Variants in NRG4 observed in about 807,000 individuals in gnomAD.
NRG4 encodes the protein neuregulin 4.
A neutral mutation model predicts 15.0 loss-of-function variants in NRG4; 10 were observed. That is an observed-to-expected ratio of 0.67 (90% CI 0.41 to 1.13). The LOEUF is 1.13. Among genes scored for constraint, NRG4 ranks in the 50% most tolerant of loss-of-function variants. The probability of loss-of-function intolerance (pLI) is 0.00; values close to 1 mark genes in which losing one functional copy is unlikely to be tolerated. For synonymous variants in NRG4, 41 were observed against 50.1 expected (o/e 0.82, Z 0.77); for missense variants, 139 against 140.2 (o/e 0.99, Z 0.04).
intron 5 of NRG4, among the ~76,000 whole-genome samples, chr15:76,026,162 G>A (rs2035310792): frequency 6.6e-6 from 1 of 152,134 alleles, no homozygotes; most frequent in Admixed American, 6.5e-5. Flanking sequence ...ACAAGTTTTG[G>A]GAGAGAGACA....
chr15:75,974,612 T>C (rs772999376), intron 3 of NRG4, among the ~76,000 whole-genome samples: 6 of 152,346 alleles, frequency 3.9e-5, no homozygotes, highest in Non-Finnish European at 7.4e-5. Flanking sequence ...AATTTTGTTA[T>C]CTACCCAGTA....
intron 3 of NRG4, among the ~76,000 whole-genome samples, chr15:75,963,565 G>T (rs186770975): frequency 3.9e-4 from 60 of 152,150 alleles, no homozygotes; most frequent in African/African-American, 1.3e-3. Flanking sequence ...AGATCACGAG[G>T]TCAAGATATT....
chr15:76,018,498 G>A (rs1469424543), intron 5 of NRG4, among the ~76,000 whole-genome samples: 3 of 152,064 alleles, frequency 2.0e-5, no homozygotes, highest in African/African-American at 4.8e-5. Flanking sequence ...TGTGACCTTC[G>A]GATGGGGTTT....
rs529264450 is a variant in NRG4 at position 76,030,346 on chromosome 15, G to A, written c.-57+5598C>T. Among the ~76,000 whole-genome samples the A allele has an allele frequency of 1.9e-3, 284 of 152,176 alleles. 6 individuals are homozygous for A. The highest frequency in any genetic ancestry group is 6.2e-3 in the African/African-American group (259 of 41,520). Reference sequence around the variant, plus strand: ...CAACTTCAAAATATACTACAAAACTGTAGTAACCAAAACAGCATGGTTCTG... The same window carrying A: ...CAACTTCAAAATATACTACAAAACTATAGTAACCAAAACAGCATGGTTCTG... On this transcript the variant is annotated intron_variant, in intron 5 of 8. Coordinates refer to the NRG4 transcript ENST00000563910.
chr15:76,005,967 T>G (rs1333079770), intron 3 of NRG4, among the ~76,000 whole-genome samples: 5 of 152,086 alleles, frequency 3.3e-5, no homozygotes, highest in Admixed American at 3.3e-4. Flanking sequence ...AGAGCTAGGC[T>G]AAAAAGTAAG....
At position 76,008,498 on chromosome 15, in the gene NRG4, G is replaced by A. The variant is rs751933937; in HGVS notation, c.104+702C>T. Among the ~76,000 whole-genome samples, 10 of 152,210 alleles carry A rather than the reference G, an allele frequency of 6.6e-5. No individual in the cohort carries two copies. The Middle Eastern group carries it at 0.01, about 155-fold the overall frequency. On this transcript the variant is annotated intron_variant, in intron 3 of 5. Transcript: ENST00000394907. The stretch of plus-strand genomic sequence containing the variant: ...GTGTTACAAAATATCTTTAGATCTT[G>A]GGTGTTAGCTCCACAGTATAGGGCA...
intron 4 of NRG4, among the ~76,000 whole-genome samples, chr15:76,037,775 A>G (rs2141949469): frequency 6.6e-6 from 1 of 152,240 alleles, no homozygotes; most frequent in Admixed American, 6.5e-5. Flanking sequence ...GGCTCCAAAA[A>G]AGTCACAAAA....
At chr15:76,013,877 C>T (rs1414538413), upstream of NRG4, among the ~76,000 whole-genome samples, 1 of 152,136 alleles carries the variant, frequency 6.6e-6, no homozygotes, top group African/African-American at 2.4e-5. Flanking sequence ...ATTGCTGGGT[C>T]AAATGGTATT....
intron 5 of NRG4, among the ~76,000 whole-genome samples, chr15:76,034,975 A>G (rs995082374): frequency 5.3e-5 from 8 of 152,184 alleles, no homozygotes; most frequent in African/African-American, 1.2e-4. Context: ...TTCTCCTTAT[A>G]TTATAGCCTC....
intron 5 of NRG4, among the ~76,000 whole-genome samples, chr15:75,949,005 CA>C (rs1398691481): frequency 6.6e-6 from 1 of 152,202 alleles, no homozygotes; most frequent in Non-Finnish European, 1.5e-5. Context: ...GAGCTATGAT[CA>C]CGTCCCTGCA....
chr15:76,026,034 T>C (rs535887624), intron 5 of NRG4, among the ~76,000 whole-genome samples: 1 of 152,142 alleles, frequency 6.6e-6, no homozygotes, highest in East Asian at 1.9e-4. Context: ...TGAGACATCA[T>C]TAAGTGAAAA....
At chr15:75,964,015 A>G (rs2032668006) in intron 3 of NRG4, among the ~76,000 whole-genome samples, 1 of 152,052 alleles carries the variant, frequency 6.6e-6, no homozygotes, top group African/African-American at 2.4e-5. Flanking sequence ...AATTTTAAAT[A>G]TAAATTACCA....
In NRG4 at chr15:76,050,442, T is replaced by TTG. The variant is rs1169377918; in HGVS notation, c.-105+1624_-105+1625insCA. On this transcript the variant is annotated intron_variant, in intron 4 of 8. Coordinates refer to the NRG4 transcript ENST00000563910. Reference sequence around the variant, plus strand: ...TATTGTCACCCCGAGCCTTCGTTTTTTTTTTTTTTTTTTTTTTGAAACGGA... The same window carrying TTG: ...TATTGTCACCCCGAGCCTTCGTTTTTTGTTTTTTTTTTTTTTTTTGAAACGGA... Among the ~76,000 whole-genome samples, 380 of 135,582 alleles carry TTG rather than the reference T, an allele frequency of 2.8e-3. 16 individuals carry two copies. The highest frequency in any genetic ancestry group is 0.01 in the African/African-American group (342 of 32,622). 88.9% of individuals were successfully genotyped at this position (135,582 alleles called of 152,430 possible). A position where few individuals can be genotyped will look rare whatever the true frequency, so the allele number is the denominator to read the frequency against.
At chr15:75,990,671 G>GTTTTTTTT (rs374504639) in intron 3 of NRG4, among the ~76,000 whole-genome samples, 14 of 130,612 alleles carry the variant, frequency 1.1e-4, no homozygotes, top group African/African-American at 1.5e-4. Flanking sequence ...GTTGGTAATT[G>GTTTTTTTT]TTTTTTTTTT....
chr15:76,049,702 C>T lies in NRG4; in HGVS notation c.-105+2365G>A, dbSNP rs572398721. Among the ~76,000 whole-genome samples the T allele has an allele frequency of 5.3e-5, 8 of 151,120 alleles. 1 individual carries two copies. Among genetic ancestry groups the T allele is most frequent in the African/African-American group, 2.0e-4 (8 of 40,626 alleles). On this transcript the variant is annotated intron_variant, in intron 4 of 8. Coordinates refer to the NRG4 transcript ENST00000563910. ...TCTTTCTCTGACTCAGTAGAAAGAA[C>T]AACAGCCCTTTCCTTGCTCCTACAT... is the stretch of plus-strand genomic sequence containing the variant.
chr15:76,009,216 G>A lies in NRG4; in HGVS notation c.88C>T (p.Pro30Ser). The change falls in exon 3 of 6, where the codon CCC (proline) becomes TCC (serine). Residue 30 changes from proline to serine, a missense_variant. By Grantham distance (74) the Pro-to-Ser change is moderately conservative. Transcript: ENST00000394907. Reference protein sequence around the residue: ...GGLCYVIPTIPSPFCRCVENY... With the variant: ...GGLCYVIPTISSPFCRCVENY... ...TTCACTCACCTACAAAATGGGCTGG[G>A]AATAGTAGGTATCACATAACAAAGC... 1 of 1,574,450 alleles carries A rather than the reference G, an allele frequency of 6.4e-7. No homozygotes were observed. Among genetic ancestry groups the A allele is most frequent in the Non-Finnish European group, 8.7e-7 (1 of 1,144,176 alleles).
intron 5 of NRG4, among the ~76,000 whole-genome samples, chr15:76,034,888 C>A (rs999339900): frequency 7.2e-5 from 11 of 152,162 alleles, no homozygotes; most frequent in Non-Finnish European, 1.5e-4. Context: ...TTTGAGTTCA[C>A]CCCCTTCTAT....
At chr15:75,985,577 G>A (rs1477134903) in intron 3 of NRG4, among the ~76,000 whole-genome samples, 1 of 152,120 alleles carries the variant, frequency 6.6e-6, no homozygotes, top group Non-Finnish European at 1.5e-5. Flanking sequence ...TCAGGCATAC[G>A]GAGACATCCT....
At chr15:75,980,230 T>C (rs1311719055) in intron 3 of NRG4, among the ~76,000 whole-genome samples, 1 of 152,142 alleles carries the variant, frequency 6.6e-6, no homozygotes, top group African/African-American at 2.4e-5. Flanking sequence ...TCAAGGAATT[T>C]TACAAAGCAC....
Sources: gnomAD v4.1 joint callset for allele counts (sites outside exome capture counted in the v4.1 genomes callset) on GRCh38, gnomAD v4.1.1 for gene constraint, MANE v1.5 for transcripts, NCBI Gene and HGNC (gene_info 2026-07-23, HGNC 2026-07-21) for gene names.